DMXL2: variants seen among roughly 807,000 people sequenced by gnomAD.
The protein encoded by DMXL2 is dmX-like protein 2.
Under a neutral mutation model 331.1 loss-of-function variants are expected in DMXL2, and 103 were observed. The ratio of observed to expected loss-of-function variants is 0.31; its 90% CI spans 0.27 to 0.37. The LOEUF (loss-of-function observed/expected upper bound fraction) is 0.37, where lower values mean the gene tolerates loss of function less well. DMXL2 is among the 10% of genes least tolerant of loss of function. The pLI is 1.00. For missense variants in DMXL2, 3,171 were observed against 3,642.9 expected (o/e 0.87, Z 3.33); for synonymous variants, 1,281 against 1,252.1 (o/e 1.02, Z -0.49).
intron 1 of DMXL2, 46 bp downstream of exon 1, chr15:51,622,413 G>A: frequency 6.5e-7 from 1 of 1,549,872 alleles, no homozygotes; most frequent in Non-Finnish European, 8.7e-7. Flanking sequence ...CTGCCCCCGC[G>A]TCTGGCCCCT....
intron 34 of DMXL2, 156 bp from the exon 35 acceptor site, chr15:51,458,951 T>G: frequency 1.5e-6 from 1 of 659,484 alleles, no homozygotes; most frequent in South Asian, 2.1e-5. Flanking sequence ...TTTAATGTGT[T>G]GAAAACTAGC....
At chr15:51,502,722 A>T (rs1170678806) in intron 17 of DMXL2, 84 bp downstream of exon 17, 9 of 858,040 alleles carry the variant, frequency 1.0e-5, no homozygotes, top group Non-Finnish European at 1.7e-5. Flanking sequence ...CATATTTCAG[A>T]AGAGTTCATC....
intron 15 of DMXL2, among the ~76,000 whole-genome samples, chr15:51,508,976 C>T (rs1006194879): frequency 1.2e-4 from 19 of 152,120 alleles, no homozygotes; most frequent in African/African-American, 4.3e-4. Context: ...ACTATAATGA[C>T]ACCACCACCA....
intron 1 of DMXL2, among the ~76,000 whole-genome samples, chr15:51,608,253 T>C (rs1031404200): frequency 8.6e-5 from 13 of 152,022 alleles, no homozygotes; most frequent in Non-Finnish European, 1.6e-4. Context: ...TTATTGGGTA[T>C]ATGGCCAAAG....
chr15:51,604,114 A>G (rs1023797856), intron 1 of DMXL2, among the ~76,000 whole-genome samples: 7 of 152,108 alleles, frequency 4.6e-5, no homozygotes, highest in Non-Finnish European at 1.0e-4. Flanking sequence ...TCAAAACTCA[A>G]TCACGGCAAT....
At chr15:51,572,041 C>A (rs1567134629) in intron 2 of DMXL2, among the ~76,000 whole-genome samples, 1 of 151,772 alleles carries the variant, frequency 6.6e-6, no homozygotes, top group African/African-American at 2.4e-5. Flanking sequence ...GACCACTAGC[C>A]AGACTAATAA....
intron 13 of DMXL2, among the ~76,000 whole-genome samples, chr15:51,528,167 A>T (rs1012567306): frequency 3.3e-5 from 5 of 152,164 alleles, no homozygotes; most frequent in Admixed American, 6.5e-5. Context: ...CAGGAAGGAA[A>T]TAAAGAAGGA....
In DMXL2 at chr15:51,615,668, T is replaced by C. The variant is rs114418755; in HGVS notation, c.87+6791A>G. On this transcript the variant is annotated intron_variant, in intron 1 of 43. Transcript: ENST00000560891. ...TGAAAACATTGGTTATTCATCCACA[T>C]AAAAGGAATGATGGGAGTTATTATG... Among the ~76,000 whole-genome samples, 594 of 152,270 alleles carry C rather than the reference T, an allele frequency of 3.9e-3. 4 individuals are homozygous for C. The highest frequency in any genetic ancestry group is 0.014 in the African/African-American group (576 of 41,552).
intron 1 of DMXL2, among the ~76,000 whole-genome samples, chr15:51,595,702 G>T (rs994001322): frequency 1.2e-4 from 18 of 152,144 alleles, no homozygotes; most frequent in African/African-American, 3.9e-4. Context: ...AAACAGTATG[G>T]TACTGGTACC....
chr15:51,607,374 C>T (rs1000134188), intron 1 of DMXL2, among the ~76,000 whole-genome samples: 29 of 151,768 alleles, frequency 1.9e-4, no homozygotes, highest in Non-Finnish European at 4.0e-4. Context: ...AAGAATGGCT[C>T]GAACCCGGGA....
rs1236118653 is a variant in DMXL2, at chr15:51,499,785, C to T, written c.3439G>A (p.Val1147Met). 6.2e-7 allele frequency: 1 copy of T among 1,614,128 alleles called. No individual in the cohort carries two copies. Among genetic ancestry groups the T allele is most frequent in the Non-Finnish European group, 8.5e-7 (1 of 1,180,018 alleles). ...AAGAGTGCATCTGACTTGCTATACA[C>T]AAACAGATTACTGTCGACGCTGACC... The part of the protein sequence containing the change: ...SRVSVDSNLF[V>M]YSKSDALLSK... The change falls in exon 18 of 44, where the codon GTG becomes ATG. Residue 1147 changes from valine (V) to methionine (M), a missense_variant. Physicochemically the swap from Val to Met is conservative, Grantham distance 21. Coordinates refer to ENST00000560891, the MANE Select transcript of DMXL2 (RefSeq NM_001378457.1).
chr15:51,476,750 C>A (rs1160887510), intron 26 of DMXL2, 31 bp from the exon 27 acceptor site: 17 of 1,543,566 alleles, frequency 1.1e-5, no homozygotes, highest in Non-Finnish European at 1.5e-5. Flanking sequence ...TATTTATCAT[C>A]CTGAGAGGTA....
chr15:51,593,723 C>T (rs2052573684), intron 1 of DMXL2, among the ~76,000 whole-genome samples: 1 of 152,184 alleles, frequency 6.6e-6, no homozygotes, highest in South Asian at 2.1e-4. Flanking sequence ...GTCTCTCAGA[C>T]CACAGTGCAA....
intron 4 of DMXL2, among the ~76,000 whole-genome samples, 188 bp from the exon 5 acceptor site, chr15:51,564,448 A>C (rs1251967595): frequency 6.6e-6 from 1 of 152,104 alleles, no homozygotes; most frequent in Non-Finnish European, 1.5e-5. Context: ...TGGACAACAA[A>C]GATTCTTAAG....
At chr15:51,486,380 T>C (rs1244829474) in intron 22 of DMXL2, 43 bp from the exon 23 acceptor site, 1 of 1,387,934 alleles carries the variant, frequency 7.2e-7, no homozygotes, top group Non-Finnish European at 9.9e-7. Flanking sequence ...TAATGATAAT[T>C]ATTTAGAGAG....
At chr15:51,570,371 A>G (rs1297897606) in intron 2 of DMXL2, among the ~76,000 whole-genome samples, 19 of 152,226 alleles carry the variant, frequency 1.2e-4, no homozygotes, top group Admixed American at 1.2e-3. Context: ...AACACTCTTC[A>G]GGATATTATC....
intron 33 of DMXL2, 108 bp downstream of exon 33, chr15:51,463,271 T>C: frequency 1.5e-6 from 1 of 673,846 alleles, no homozygotes; most frequent in South Asian, 2.0e-5. Flanking sequence ...ACTTTGACTA[T>C]TACCCAACCA....
At chr15:51,514,826 A>G (rs1464025445) in intron 14 of DMXL2, among the ~76,000 whole-genome samples, 5 of 42,342 alleles carry the variant, frequency 1.2e-4, no homozygotes, top group Admixed American at 7.9e-4. Context: ...CTTCTCAGGA[A>G]AAAAAAAAAA....
rs568297330 is a variant in DMXL2, at chr15:51,492,488, GGTTT to G, written c.4784-745_4784-742del. Among the ~76,000 whole-genome samples, 604 of 150,478 alleles carry G rather than the reference GGTTT, an allele frequency of 4.0e-3. 3 individuals are homozygous for G. The highest frequency in any genetic ancestry group is 7.1e-3 in the Non-Finnish European group (474 of 66,828). ...TTGGTGAACATTGTTTTTTGTTTTGGGTTTGTTTGTTTTTTTTTACCTGGGAGAA... is the reference window on the plus strand; with the variant it reads ...TTGGTGAACATTGTTTTTTGTTTTGGGTTTGTTTTTTTTTACCTGGGAGAA... On this transcript the variant is annotated intron_variant, in intron 19 of 43. Coordinates refer to ENST00000560891, the MANE Select transcript of DMXL2 (RefSeq NM_001378457.1).
Sources: allele counts gnomAD v4.1 joint callset (sites outside exome capture counted in the v4.1 genomes callset), GRCh38; gene constraint gnomAD v4.1.1; transcripts MANE v1.5; gene names NCBI Gene and HGNC (gene_info 2026-07-23, HGNC 2026-07-21).